Variants in MEIS2 observed in about 807,000 individuals in gnomAD.
The protein encoded by MEIS2 is homeobox protein Meis2.
Under a neutral mutation model 58.6 loss-of-function variants are expected in MEIS2, and 9 were observed. The observed-to-expected ratio is 0.15, with a 90% confidence interval of 0.09 to 0.27. The LOEUF (loss-of-function observed/expected upper bound fraction) is 0.27, where lower values mean the gene tolerates loss of function less well. Ranked by LOEUF, MEIS2 falls within the 10% of genes least tolerant of loss-of-function variation. The pLI is 1.00. For missense variants in MEIS2, 427 were observed against 635.0 expected, an observed-to-expected ratio of 0.67 and a Z score of 3.52; for synonymous variants, 221 against 228.4, an observed-to-expected ratio of 0.97 and a Z score of 0.29.
intron 9 of MEIS2, among the ~76,000 whole-genome samples, chr15:36,937,890 C>T (rs2141351887): frequency 6.6e-6 from 1 of 152,282 alleles, no homozygotes; most frequent in East Asian, 1.9e-4. Context: ...AAAGTTTACT[C>T]ATTTATTATC....
chr15:37,019,049 G>A (rs1187230998), intron 8 of MEIS2, among the ~76,000 whole-genome samples: 1 of 152,162 alleles, frequency 6.6e-6, no homozygotes, highest in Admixed American at 6.5e-5. Flanking sequence ...GTCATGGGGT[G>A]AGGGTTGGAA....
intron 7 of MEIS2, among the ~76,000 whole-genome samples, chr15:37,061,473 A>G (rs1216489690): frequency 1.3e-5 from 2 of 152,206 alleles, no homozygotes; most frequent in African/African-American, 4.8e-5. Context: ...TCTTTAACAT[A>G]TAGGTCTTTA....
At chr15:36,896,014 C>T (rs908894660) in intron 10 of MEIS2, among the ~76,000 whole-genome samples, 5 of 152,114 alleles carry the variant, frequency 3.3e-5, no homozygotes, top group African/African-American at 4.8e-5. Context: ...CAAAATAAAA[C>T]GACTTGGAGT....
At chr15:37,096,951 G>GT in intron 2 of MEIS2, among the ~76,000 whole-genome samples, 1 of 152,322 alleles carries the variant, frequency 6.6e-6, no homozygotes, top group Non-Finnish European at 1.5e-5. Context: ...GCAAGAGAAT[G>GT]CTCTTTTAAT....
At chr15:37,022,859 C>T (rs191671847) in intron 8 of MEIS2, among the ~76,000 whole-genome samples, 40 of 151,044 alleles carry the variant, frequency 2.6e-4, no homozygotes, top group African/African-American at 7.8e-4. Flanking sequence ...GTTTCACCAT[C>T]TTGGCCAGGC....
chr15:36,974,018 C>T (rs1484764144), intron 8 of MEIS2, among the ~76,000 whole-genome samples: 1 of 152,194 alleles, frequency 6.6e-6, no homozygotes, highest in Non-Finnish European at 1.5e-5. Flanking sequence ...GCCTTGAGAG[C>T]AGTTCCTATC....
intron 6 of MEIS2, among the ~76,000 whole-genome samples, chr15:37,088,950 A>G (rs1336450044): frequency 2.0e-5 from 3 of 152,218 alleles, no homozygotes; most frequent in Non-Finnish European, 4.4e-5. Flanking sequence ...TGTGGTTGTC[A>G]ATTACAACCT....
chr15:37,044,533 A>G lies in MEIS2; in HGVS notation c.755-7574T>C, dbSNP rs545114945. Among the ~76,000 whole-genome samples, 14 of 152,314 alleles carry G rather than the reference A, an allele frequency of 9.2e-5. No individual in the cohort carries two copies. In the East Asian group the frequency reaches 1.9e-3, roughly 21 times the overall value. On this transcript the variant is annotated intron_variant, in intron 7 of 11. Coordinates refer to ENST00000561208, the MANE Select transcript of MEIS2 (RefSeq NM_170675.5). The stretch of plus-strand genomic sequence containing the variant: ...TGAATTTTAAAGACTTTTCTGAGCC[A>G]AGGGATCTTTCAAGATTCCATACCT...
At chr15:36,902,516 T>A (rs2056531124) in intron 9 of MEIS2, among the ~76,000 whole-genome samples, 1 of 152,248 alleles carries the variant, frequency 6.6e-6, no homozygotes, top group African/African-American at 2.4e-5. Context: ...AGTAGCAACA[T>A]CACCTTGAGC....
At chr15:37,080,338 A>G (rs1426334539) in intron 7 of MEIS2, among the ~76,000 whole-genome samples, 1 of 152,164 alleles carries the variant, frequency 6.6e-6, no homozygotes, top group Non-Finnish European at 1.5e-5. Flanking sequence ...ACTGGAAAAA[A>G]TGTAAATTTC....
chr15:36,915,350 G>C (rs113267116), intron 9 of MEIS2, among the ~76,000 whole-genome samples: 5 of 152,176 alleles, frequency 3.3e-5, no homozygotes, highest in Non-Finnish European at 7.3e-5. Flanking sequence ...CAGCTGGGCT[G>C]TGTGCTAGGA....
At chr15:36,894,284 G>A (rs2056048883) in intron 11 of MEIS2, 1 of 156,392 alleles carries the variant, frequency 6.4e-6, no homozygotes, top group Non-Finnish European at 1.4e-5. Context: ...AGATAATTTG[G>A]GCATCAATCG....
At chr15:36,968,521 AAG>A (rs2059428812) in intron 8 of MEIS2, among the ~76,000 whole-genome samples, 1 of 152,176 alleles carries the variant, frequency 6.6e-6, no homozygotes, top group Admixed American at 6.5e-5. Context: ...GAGGCCTGGG[AAG>A]AGATTGCATA....
At chr15:36,901,752 T>C (rs1352782669) in intron 9 of MEIS2, among the ~76,000 whole-genome samples, 1 of 152,182 alleles carries the variant, frequency 6.6e-6, no homozygotes, top group African/African-American at 2.4e-5. Context: ...GCTTGAATAA[T>C]GGAGTGTTCA....
intron 7 of MEIS2, among the ~76,000 whole-genome samples, chr15:37,044,203 T>C (rs1310365748): frequency 1.3e-5 from 2 of 152,158 alleles, no homozygotes; most frequent in East Asian, 3.9e-4. Context: ...GCTCACCTCC[T>C]CTATTCCTTT....
At chr15:37,093,448 A>G in intron 6 of MEIS2, 133 bp downstream of exon 6, 1 of 1,115,012 alleles carries the variant, frequency 9.0e-7, no homozygotes. Flanking sequence ...AGCAAGAAAG[A>G]GAAGAAAAGA....
chr15:37,076,602 A>G (rs1483518136), intron 7 of MEIS2, among the ~76,000 whole-genome samples: 1 of 152,056 alleles, frequency 6.6e-6, no homozygotes, highest in Non-Finnish European at 1.5e-5. Context: ...CTTAGAAAGC[A>G]TGGCTGACAA....
At chr15:37,041,232 T>A (rs1489057528) in intron 7 of MEIS2, among the ~76,000 whole-genome samples, 1 of 152,246 alleles carries the variant, frequency 6.6e-6, no homozygotes, top group Non-Finnish European at 1.5e-5. Context: ...CAGTCTTAGC[T>A]GAGACCTACT....
chr15:36,978,215 CAACAAT>C (rs1255997595), intron 8 of MEIS2, among the ~76,000 whole-genome samples: 2 of 152,210 alleles, frequency 1.3e-5, no homozygotes, highest in Non-Finnish European at 2.9e-5. Context: ...TTTACAACAA[CAACAAT>C]AACAATAAGG....
Sources: allele counts gnomAD v4.1 joint callset (sites outside exome capture counted in the v4.1 genomes callset), GRCh38; gene constraint gnomAD v4.1.1; transcripts MANE v1.5; gene names NCBI Gene and HGNC (gene_info 2026-07-23, HGNC 2026-07-21).